The following GARS1 variants were observed in gnomAD, a reference collection of about 807,000 sequenced individuals.
GARS1 encodes glycine--tRNA ligase.
A neutral mutation model predicts 86.4 loss-of-function variants in GARS1; 46 were observed. The observed-to-expected ratio is 0.53, with a 90% confidence interval of 0.42 to 0.68. The LOEUF is 0.68. Among genes scored for constraint, GARS1 ranks in the 30% least tolerant of loss-of-function variants. The probability of loss-of-function intolerance (pLI) is 0.00; values close to 1 mark genes in which losing one functional copy is unlikely to be tolerated. For missense variants in GARS1, 797 were observed against 915.6 expected (o/e 0.87, Z 1.67); for synonymous variants, 342 against 329.8 (o/e 1.04, Z -0.40).
rs370057212 is a variant in GARS1 at position 30,616,035 on chromosome 7, C to T, written c.1171C>T (p.Arg391Cys). 31 of 1,613,978 alleles carry T rather than the reference C, an allele frequency of 1.9e-5. No individual in the cohort carries two copies. Among genetic ancestry groups the T allele is most frequent in the Middle Eastern group, 1.6e-4 (1 of 6,074 alleles). ...QVSGQSARKM[R>C]LGDAVEQGVI... ...CAGCGGACAGTCCGCTCGGAAAATG[C>T]GCCTGGGAGATGCTGTTGAACAGGT... Residue 391 changes from arginine to cysteine, a missense_variant, in exon 9 of 17, where the codon CGC becomes TGC. Physicochemically the swap from Arg to Cys is radical, Grantham distance 180. This residue lies in a region of GARS1 where 598 missense variants were observed against 738.7 expected (regional missense o/e 0.81). Coordinates refer to ENST00000389266, the MANE Select transcript of GARS1 (RefSeq NM_002047.4).
chr7:30,621,537 C>T, intron 11 of GARS1, 37 bp downstream of exon 11: 2 of 1,408,618 alleles, frequency 1.4e-6, no homozygotes, highest in Non-Finnish European at 2.0e-6. Context: ...TCAGGATTCA[C>T]ATGTGAACAT....
intron 3 of GARS1, among the ~76,000 whole-genome samples, 177 bp from the exon 4 acceptor site, chr7:30,600,881 GC>G (rs1436128680): frequency 2.6e-5 from 4 of 151,958 alleles, no homozygotes; most frequent in African/African-American, 9.7e-5. Flanking sequence ...TGGCGTAAGA[GC>G]TTTTTTATTT....
chr7:30,601,476 TATACTC>T (rs905631397), intron 4 of GARS1, among the ~76,000 whole-genome samples: 5 of 152,236 alleles, frequency 3.3e-5, no homozygotes, highest in East Asian at 1.9e-4. Flanking sequence ...TTGATGAACA[TATACTC>T]ATATCATTAA....
In GARS1 at chr7:30,622,423, G is replaced by A. The variant is rs758225567; in HGVS notation, c.1574G>A (p.Cys525Tyr). 5 of 1,614,126 alleles carry A rather than the reference G, an allele frequency of 3.1e-6. No homozygotes were observed. The highest frequency in any genetic ancestry group is 4.2e-6 in the Non-Finnish European group (5 of 1,179,984). ...VMEYLAICDE[C>Y]YITEMEMLLN... ...GAGTATCTTGCCATTTGTGATGAGT[G>A]CTACATTACAGAAATGGAGATGCTG... Residue 525 changes from cysteine to tyrosine, a missense_variant, in exon 12 of 17, where the codon TGC (cysteine) becomes TAC (tyrosine). Physicochemically the swap from Cys to Tyr is radical, Grantham distance 194. This residue lies in a region of GARS1 where 598 missense variants were observed against 738.7 expected (regional missense o/e 0.81). Coordinates refer to ENST00000389266, the MANE Select transcript of GARS1 (RefSeq NM_002047.4).
rs114399600 is a variant in GARS1, at chr7:30,615,115, G to A, written c.1032-781G>A. Among the ~76,000 whole-genome samples, 282 of 152,274 alleles carry A rather than the reference G, an allele frequency of 1.9e-3. 1 individual carries two copies. The highest frequency in any genetic ancestry group is 6.2e-3 in the African/African-American group (259 of 41,562). ...AATCTCTTTGGGAAACCATTACTAT[G>A]TGCACTTCATCGTTAGGTAATTAGC... On this transcript the variant is annotated intron_variant, in intron 8 of 16. Coordinates refer to ENST00000389266, the MANE Select transcript of GARS1 (RefSeq NM_002047.4).
At chr7:30,633,180 A>G (rs1783272082) in intron 16 of GARS1, among the ~76,000 whole-genome samples, 1 of 152,194 alleles carries the variant, frequency 6.6e-6, no homozygotes. Context: ...GTGGTTCTCA[A>G]AAGTGTGGTC....
chr7:30,630,742 TC>T (rs1267161057), intron 14 of GARS1, among the ~76,000 whole-genome samples: 1 of 151,988 alleles, frequency 6.6e-6, no homozygotes, highest in Non-Finnish European at 1.5e-5. Context: ...ATTCCTGGGG[TC>T]AAGCAATTCT....
In GARS1 at chr7:30,595,591, G is replaced by A. The variant is rs113382563; in HGVS notation, c.222+448G>A. 7.0e-3 allele frequency among the ~76,000 whole-genome samples: 1,065 copies of A among 152,326 alleles called. 8 individuals carry two copies. Among genetic ancestry groups the A allele is most frequent in the Middle Eastern group, 0.014 (4 of 294 alleles). On this transcript the variant is annotated intron_variant, in intron 1 of 16. Transcript: ENST00000389266. ...CCTCCTAATTCTTTCAGTGGTCAAT[G>A]ATGAGCCGAAAAACTGCCGGTTCTT... is the stretch of plus-strand genomic sequence containing the variant.
Position 30,603,555 on chromosome 7 carries a change from G to GA in GARS1, c.721dup (p.Ser241LysfsTer7). 6.2e-7 allele frequency: 1 copy of GA among 1,613,760 alleles called. No homozygotes were observed. The highest frequency in any genetic ancestry group is 1.1e-5 in the South Asian group (1 of 91,074). ...TTCTGTCGAAAAGAAATCAGAAATG[G>GA]AAAGTGTTTTGGCCCAGGTGAGTAC... On this transcript the variant is annotated frameshift_variant, in exon 6 of 17. Coordinates refer to ENST00000389266, the MANE Select transcript of GARS1 (RefSeq NM_002047.4). LOFTEE classifies it high-confidence loss of function.
chr7:30,622,591 G>A, intron 12 of GARS1, 129 bp downstream of exon 12: 1 of 1,091,884 alleles, frequency 9.2e-7, no homozygotes, highest in African/African-American at 1.5e-5. Flanking sequence ...GCATTTAAAA[G>A]ACTGTCTTTG....
chr7:30,632,062 A>C lies in GARS1; in HGVS notation c.1904-185A>C. On this transcript the variant is annotated intron_variant, in intron 15 of 16. Coordinates refer to ENST00000389266, the MANE Select transcript of GARS1 (RefSeq NM_002047.4). This position sits in a 1 kb window ranked among gnomAD's most constrained non-coding sequence, Gnocchi z 4.1. ...GCTGTATCAGATGGAGGTATGAGTG[A>C]AGATTTGGATTCCCGCAAGGGATTT... 1 of 638,626 alleles carries C rather than the reference A, an allele frequency of 1.6e-6. No individual in the cohort carries two copies. The highest frequency in any genetic ancestry group is 2.8e-6 in the Non-Finnish European group (1 of 362,048). The allele number at this position is 638,626 out of a possible 1,614,324, so 39.6% of individuals were successfully genotyped here.
At chr7:30,609,175 T>C (rs559148777) in intron 6 of GARS1, among the ~76,000 whole-genome samples, 15 of 152,314 alleles carry the variant, frequency 9.8e-5, no homozygotes, top group South Asian at 8.3e-4. Context: ...TGGCTATTAA[T>C]AGTATATTTG....
In GARS1 at chr7:30,601,164, T is replaced by C; in HGVS notation, c.533T>C (p.Ile178Thr). 1 of 1,614,150 alleles carries C rather than the reference T, an allele frequency of 6.2e-7. No homozygotes were observed. The highest frequency in any genetic ancestry group is 2.2e-5 in the East Asian group (1 of 44,880). Residue 178 changes from isoleucine (I) to threonine (T), a missense_variant, in exon 4 of 17, where the codon ATC becomes ACC. Transcript: ENST00000389266. ...ATCCAAGAGGAACAGATCCTGGAGATCGATTGCACCATGCTCACCCCTGAG... is the reference window on the plus strand; with the variant it reads ...ATCCAAGAGGAACAGATCCTGGAGACCGATTGCACCATGCTCACCCCTGAG... Reference protein sequence around the residue: ...HFIQEEQILEIDCTMLTPEPV... With the variant: ...HFIQEEQILETDCTMLTPEPV...
Position 30,618,720 on chromosome 7 carries a change from CACAT to C in GARS1, c.1359+1443_1359+1446del, listed in dbSNP as rs752882105. ...TAGATGATTTTTCTACGTGTTCTAA[CACAT>C]GCATGCATAAATGCATAATAATATG... On this transcript the variant is annotated intron_variant, in intron 10 of 16. Transcript: ENST00000389266. Among the ~76,000 whole-genome samples the C allele has an allele frequency of 5.3e-5, 8 of 152,314 alleles. No individual in the cohort carries two copies. The East Asian group carries it at 9.6e-4, about 18-fold the overall frequency.
intron 4 of GARS1, among the ~76,000 whole-genome samples, chr7:30,601,525 A>G (rs1791377548): frequency 6.6e-6 from 1 of 152,220 alleles, no homozygotes; most frequent in Non-Finnish European, 1.5e-5. Context: ...ATGATAGCAT[A>G]GTATTCTGTT....
At chr7:30,631,188 G>C (rs1208046605) in intron 14 of GARS1, 2 of 389,104 alleles carry the variant, frequency 5.1e-6, no homozygotes, top group Non-Finnish European at 9.7e-6. Flanking sequence ...AGGTGGTAGA[G>C]ACCTGCTTTT....
chr7:30,619,538 G>A (rs899196373), intron 10 of GARS1, among the ~76,000 whole-genome samples: 2 of 152,044 alleles, frequency 1.3e-5, no homozygotes, highest in African/African-American at 4.8e-5. Context: ...GACATCTGCA[G>A]TAAATTATAA....
In GARS1 at chr7:30,594,911, G is replaced by C; in HGVS notation, c.-11G>C. 2 of 1,558,142 alleles carry C rather than the reference G, an allele frequency of 1.3e-6. No homozygotes were observed. The highest frequency in any genetic ancestry group is 1.7e-6 in the Non-Finnish European group (2 of 1,158,610). On this transcript the variant is annotated 5_prime_UTR_variant, in exon 1 of 17. Transcript: ENST00000389266. ...CGCCACCCTCTCTGGACAGCCCAGG[G>C]CCGCAGGCTCATGCCCTCTCCGCGT...
chr7:30,621,107 C>G (rs1300420148), intron 10 of GARS1, among the ~76,000 whole-genome samples: 3 of 146,634 alleles, frequency 2.0e-5, no homozygotes, highest in Non-Finnish European at 3.0e-5. Flanking sequence ...AGATTGGTCT[C>G]AAACTCCTGG....
Sources: gnomAD v4.1 joint callset for allele counts (sites outside exome capture counted in the v4.1 genomes callset) on GRCh38, gnomAD v4.1.1 for gene constraint, gnomAD v4.1.1 regional missense constraint, Gnocchi (gnomAD v3.1) non-coding constraint, MANE v1.5 for transcripts, NCBI Gene and HGNC (gene_info 2026-07-23, HGNC 2026-07-21) for gene names.